The following AKAP19 variants were observed in gnomAD, a reference collection of about 807,000 sequenced individuals.
AKAP19 encodes the protein small A-kinase anchoring protein.
the AKAP19 span, among the ~76,000 whole-genome samples, chr2:189,971,649 T>C: frequency 6.6e-6 from 1 of 152,276 alleles, no homozygotes; most frequent in South Asian, 2.1e-4. Context: ...GCACCTGTTG[T>C]TTCCTGACTT....
the AKAP19 span, among the ~76,000 whole-genome samples, chr2:189,956,615 G>A: frequency 6.6e-6 from 1 of 152,064 alleles, no homozygotes; most frequent in Admixed American, 6.5e-5. Flanking sequence ...GTCTCACTCT[G>A]TTGCCCAGGC....
At chr2:190,173,791 A>C in the AKAP19 span, among the ~76,000 whole-genome samples, 2 of 152,218 alleles carry the variant, frequency 1.3e-5, no homozygotes, top group Non-Finnish European at 2.9e-5. Flanking sequence ...TTCAAGATCG[A>C]GAAAATTGTT....
At chr2:190,144,258 AAAG>A in the AKAP19 span, among the ~76,000 whole-genome samples, 5 of 151,074 alleles carry the variant, frequency 3.3e-5, no homozygotes, top group African/African-American at 1.2e-4. Flanking sequence ...GAAAAAAAAA[AAAG>A]AGTTTTTGAG....
chr2:190,056,432 T>C, the AKAP19 span: 1 of 152,258 alleles, frequency 6.6e-6, no homozygotes, highest in African/African-American at 2.4e-5. Flanking sequence ...AATTACATAC[T>C]TCTCCAAGTA....
chr2:190,127,916 A>G, the AKAP19 span, among the ~76,000 whole-genome samples: 1 of 152,142 alleles, frequency 6.6e-6, no homozygotes, highest in Non-Finnish European at 1.5e-5. Context: ...AAAACAATAT[A>G]ATGAAACCCA....
the AKAP19 span, among the ~76,000 whole-genome samples, chr2:190,022,741 T>C: frequency 1.3e-5 from 2 of 151,824 alleles, no homozygotes. Flanking sequence ...GTCTAGCAAA[T>C]AGTAAGTCCC....
chr2:190,089,884 C>G, the AKAP19 span, among the ~76,000 whole-genome samples: 2 of 152,138 alleles, frequency 1.3e-5, no homozygotes, highest in Admixed American at 6.6e-5. Context: ...CAAATGCCCT[C>G]CACAAATTCC....
At chr2:190,004,867 T>C in the AKAP19 span, among the ~76,000 whole-genome samples, 1 of 152,160 alleles carries the variant, frequency 6.6e-6, no homozygotes, top group Non-Finnish European at 1.5e-5. Flanking sequence ...GTAGGTTCAG[T>C]TGCTCACTCT....
chr2:190,012,668 G>A, the AKAP19 span, among the ~76,000 whole-genome samples: 1 of 152,116 alleles, frequency 6.6e-6, no homozygotes, highest in Non-Finnish European at 1.5e-5. Context: ...TGATGGGAAT[G>A]GGCATCATTG....
the AKAP19 span, chr2:190,062,296 T>G: frequency 1.2e-6 from 2 of 1,613,334 alleles, no homozygotes; most frequent in Non-Finnish European, 1.7e-6. Flanking sequence ...CCATCGCTGC[T>G]GTCATCCCTC....
At chr2:190,195,941 C>CATT in the AKAP19 span, among the ~76,000 whole-genome samples, 1 of 86,196 alleles carries the variant, frequency 1.2e-5, no homozygotes, top group Non-Finnish European at 2.3e-5. Context: ...CTGTGTCCAG[C>CATT]TTTTTTTTTT....
the AKAP19 span, among the ~76,000 whole-genome samples, chr2:190,149,397 G>A: frequency 4.6e-5 from 7 of 151,884 alleles, no homozygotes; most frequent in Admixed American, 3.9e-4. Flanking sequence ...TCTCTAGTTC[G>A]TGGAGGTGTG....
the AKAP19 span, chr2:190,057,293 G>T: frequency 6.2e-6 from 10 of 1,613,234 alleles, no homozygotes; most frequent in Non-Finnish European, 5.1e-6. Context: ...ACCATCGCTG[G>T]AATTTTCCCA....
the AKAP19 span, among the ~76,000 whole-genome samples, chr2:190,043,784 G>A: frequency 2.6e-5 from 4 of 152,268 alleles, no homozygotes; most frequent in East Asian, 1.9e-4. Flanking sequence ...TTGAGTTACC[G>A]GAGATCTTAT....
chr2:190,117,224 T>TA, the AKAP19 span, among the ~76,000 whole-genome samples: 1 of 151,990 alleles, frequency 6.6e-6, no homozygotes, highest in Non-Finnish European at 1.5e-5. Flanking sequence ...AAGAGAAAAA[T>TA]AAAAAATTAT....
At chr2:190,128,612 G>A in the AKAP19 span, among the ~76,000 whole-genome samples, 31 of 152,298 alleles carry the variant, frequency 2.0e-4, no homozygotes, top group Middle Eastern at 3.4e-3. Context: ...TATGATGTAC[G>A]TCTTCAATGA....
At chr2:189,954,030 G>A in the AKAP19 span, among the ~76,000 whole-genome samples, 1 of 152,214 alleles carries the variant, frequency 6.6e-6, no homozygotes, top group Non-Finnish European at 1.5e-5. Context: ...CAGGTCAAGT[G>A]AAGATGTAGT....
At chr2:189,992,049 GAT>G in the AKAP19 span, among the ~76,000 whole-genome samples, 1 of 87,306 alleles carries the variant, frequency 1.1e-5, no homozygotes, top group South Asian at 5.1e-4. Flanking sequence ...CTATTAAATA[GAT>G]TTTTTTTTTT....
chr2:190,199,734 T>C, the AKAP19 span: 2 of 1,495,638 alleles, frequency 1.3e-6, no homozygotes, highest in African/African-American at 2.8e-5. Flanking sequence ...AAGGGAACAT[T>C]GATTACTGAA....
Sources: gnomAD v4.1 joint callset for allele counts (sites outside exome capture counted in the v4.1 genomes callset) on GRCh38, gnomAD v4.1.1 for gene constraint, MANE v1.5 for transcripts, NCBI Gene and HGNC (gene_info 2026-07-23, HGNC 2026-07-21) for gene names.